The following TCF4 variants were observed in gnomAD, a reference collection of about 807,000 sequenced individuals.
TCF4 encodes the protein SL3-3 enhancer factor 2.
Under a neutral mutation model 82.1 loss-of-function variants are expected in TCF4, and 3 were observed. That is an observed-to-expected ratio of 0.04 (90% confidence interval 0.02 to 0.09). The LOEUF is 0.09. Among genes scored for constraint, TCF4 ranks in the 10% least tolerant of loss-of-function variants. The pLI is 1.00. For synonymous variants in TCF4, 276 were observed against 309.6 expected, an observed-to-expected ratio of 0.89 and a Z score of 1.14; for missense variants, 518 against 852.7, an observed-to-expected ratio of 0.61 and a Z score of 4.89.
intron 3 of TCF4, among the ~76,000 whole-genome samples, chr18:55,572,883 G>A (rs1320068533): frequency 1.3e-5 from 2 of 152,022 alleles, no homozygotes; most frequent in Admixed American, 6.6e-5. Context: ...GAGAAACCCT[G>A]TCTCTACTAA....
intron 5 of TCF4, among the ~76,000 whole-genome samples, chr18:55,435,043 T>C (rs1425271618): frequency 6.6e-6 from 1 of 152,104 alleles, no homozygotes; most frequent in Admixed American, 6.5e-5. Flanking sequence ...TTCTTCCAAC[T>C]CTTTTTTGGT....
At chr18:55,496,421 A>C (rs79048304) in intron 3 of TCF4, 4 of 151,562 alleles carry the variant, frequency 2.6e-5, no homozygotes, top group African/African-American at 7.3e-5. Context: ...AAAAAAAAAA[A>C]CCAGAAGAAA....
intron 3 of TCF4, among the ~76,000 whole-genome samples, chr18:55,557,246 C>G (rs1603622856): frequency 7.0e-6 from 1 of 142,970 alleles, no homozygotes; most frequent in Non-Finnish European, 1.6e-5. Flanking sequence ...TGCAAACACA[C>G]AGACACACAG....
chr18:55,254,414 T>TGAGA, intron 15 of TCF4, 83 bp downstream of exon 15: 1 of 1,375,964 alleles, frequency 7.3e-7, no homozygotes, highest in Non-Finnish European at 1.0e-6. Flanking sequence ...AGCTGATTTT[T>TGAGA]TAAAAAACAG....
At chr18:55,438,260 G>C (rs1246197673) in intron 5 of TCF4, among the ~76,000 whole-genome samples, 1 of 151,466 alleles carries the variant, frequency 6.6e-6, no homozygotes, top group African/African-American at 2.4e-5. Context: ...CTTCCTAGAG[G>C]CCTCTGCTCA....
At chr18:55,565,305 T>TA (rs531748404) in intron 3 of TCF4, among the ~76,000 whole-genome samples, 1,782 of 138,968 alleles carry the variant, frequency 0.013, 16 homozygotes, top group African/African-American at 0.029. Context: ...TGTTCAACAT[T>TA]AAAAAAAAAA....
At chr18:55,294,515 A>G (rs746380020) in intron 8 of TCF4, among the ~76,000 whole-genome samples, 7 of 152,192 alleles carry the variant, frequency 4.6e-5, no homozygotes, top group Non-Finnish European at 1.0e-4. Flanking sequence ...GGAAGTATAC[A>G]TCATGCACCC....
chr18:55,397,781 G>A (rs562168262), intron 6 of TCF4, among the ~76,000 whole-genome samples: 2 of 152,174 alleles, frequency 1.3e-5, no homozygotes, highest in Admixed American at 6.6e-5. Flanking sequence ...TAAGAGACAT[G>A]TACTGAAAAA....
At position 55,464,203 on chromosome 18, in the gene TCF4, T is replaced by G; in HGVS notation, c.146-66A>C. ...ATTTTTTCTTTTTGTATATGCACTT[T>G]CAAATTAATGTTTCAAATTAATCTC... On this transcript the variant is annotated intron_variant, in intron 3 of 19. Coordinates refer to ENST00000354452, the MANE Select transcript of TCF4 (RefSeq NM_001083962.2). The G allele has an allele frequency of 2.2e-6, 3 of 1,358,548 alleles. 1 individual carries two copies. Among genetic ancestry groups the G allele is most frequent in the Non-Finnish European group, 3.2e-6 (3 of 948,092 alleles). The allele number at this position is 1,358,548 out of a possible 1,614,324, so 84.2% of individuals were successfully genotyped here. A position where few individuals can be genotyped will look rare whatever the true frequency, so the allele number is the denominator to read the frequency against.
At chr18:55,422,241 C>T (rs1223362835) in intron 5 of TCF4, 3 of 983,860 alleles carry the variant, frequency 3.0e-6, no homozygotes, top group African/African-American at 1.8e-5. Context: ...AGCCCAAATA[C>T]GTGATGAAGA....
chr18:55,376,861 A>G (rs2090883322), intron 6 of TCF4, among the ~76,000 whole-genome samples: 1 of 152,214 alleles, frequency 6.6e-6, no homozygotes, highest in Admixed American at 6.5e-5. Flanking sequence ...AGCCTTTTTT[A>G]CAGATGGTAG....
At chr18:55,294,920 A>G (rs1356603498) in intron 8 of TCF4, among the ~76,000 whole-genome samples, 1 of 152,182 alleles carries the variant, frequency 6.6e-6, no homozygotes, top group East Asian at 1.9e-4. Flanking sequence ...ATTATAACAA[A>G]CCAAGAGTCA....
At position 55,257,323 on chromosome 18, in the gene TCF4, G is replaced by T. The variant is rs1700284693; in HGVS notation, c.1138C>A (p.His380Asn). 1 of 1,613,652 alleles carries T rather than the reference G, an allele frequency of 6.2e-7. No individual in the cohort carries two copies. The highest frequency in any genetic ancestry group is 8.5e-7 in the Non-Finnish European group (1 of 1,179,650). ...SSSPNYEGPL[H>N]SLQSRIEDRL... ...TAGCAAATGAGACATACCAAAGAGT[G>T]TAAGGGTCCTTCATAATTAGGAGAC... Residue 380 changes from histidine (H) to asparagine (N), a missense_variant, in exon 14 of 20, where the codon CAC (histidine) becomes AAC (asparagine). By Grantham distance (68) the His-to-Asn change is moderately conservative. Transcript: ENST00000354452.
chr18:55,475,407 T>C (rs576518439), intron 3 of TCF4, among the ~76,000 whole-genome samples: 36 of 152,312 alleles, frequency 2.4e-4, no homozygotes, highest in Non-Finnish European at 3.8e-4. Context: ...TGATGGCATG[T>C]TGGTCTGCCC....
At chr18:55,510,854 G>A (rs2096820770) in intron 3 of TCF4, 13 of 938,800 alleles carry the variant, frequency 1.4e-5, no homozygotes, top group East Asian at 4.6e-5. Context: ...AGCTACATTA[G>A]AAATTTGAAC....
intron 3 of TCF4, among the ~76,000 whole-genome samples, chr18:55,569,129 G>A (rs576694124): frequency 6.7e-6 from 1 of 150,122 alleles, no homozygotes; most frequent in South Asian, 2.1e-4. Context: ...TATTCATGGT[G>A]AAAATCAGGA....
intron 3 of TCF4, chr18:55,550,835 A>T (rs1004003980): frequency 6.6e-6 from 1 of 152,160 alleles, no homozygotes; most frequent in Admixed American, 6.5e-5. Flanking sequence ...ACTTATCCCC[A>T]AAAACCTCTC....
chr18:55,308,485 C>A (rs2071138904), intron 8 of TCF4, among the ~76,000 whole-genome samples: 1 of 152,172 alleles, frequency 6.6e-6, no homozygotes, highest in African/African-American at 2.4e-5. Context: ...GAGCATTCTA[C>A]CCAAAGGTCT....
intron 6 of TCF4, among the ~76,000 whole-genome samples, chr18:55,352,261 T>G (rs1051932591): frequency 6.6e-6 from 1 of 152,192 alleles, no homozygotes; most frequent in Non-Finnish European, 1.5e-5. Flanking sequence ...CAAAGTGGCA[T>G]GTCTTCTAGT....
Sources: allele counts gnomAD v4.1 joint callset (sites outside exome capture counted in the v4.1 genomes callset), GRCh38; gene constraint gnomAD v4.1.1; transcripts MANE v1.5; gene names NCBI Gene and HGNC (gene_info 2026-07-23, HGNC 2026-07-21).